DRG1: variants seen among roughly 807,000 people sequenced by gnomAD.
DRG1 encodes the protein developmentally-regulated GTP-binding protein 1.
A neutral mutation model predicts 38.8 loss-of-function variants in DRG1; 19 were observed. The observed-to-expected ratio is 0.49, with a 90% CI of 0.34 to 0.72. DRG1 has a LOEUF of 0.72. Ranked by LOEUF, DRG1 falls within the 30% of genes least tolerant of loss-of-function variation. DRG1 has a pLI of 0.01. For synonymous variants in DRG1, 167 were observed against 157.5 expected (o/e 1.06, Z -0.45); for missense variants, 299 against 444.8 (o/e 0.67, Z 2.95).
At chr22:31,428,349 C>T (rs1308046028) in intron 8 of DRG1, among the ~76,000 whole-genome samples, 1 of 151,946 alleles carries the variant, frequency 6.6e-6, no homozygotes, top group Non-Finnish European at 1.5e-5. Flanking sequence ...GTAGCTGGGA[C>T]TACAGGTGCC....
chr22:31,416,079 C>T (rs1459839473), intron 4 of DRG1, among the ~76,000 whole-genome samples: 1 of 152,038 alleles, frequency 6.6e-6, no homozygotes, highest in Non-Finnish European at 1.5e-5. Context: ...AGCACAGAGG[C>T]AGGCAGATCA....
At chr22:31,423,158 G>T in intron 5 of DRG1, 122 bp from the exon 6 acceptor site, 2 of 1,224,436 alleles carry the variant, frequency 1.6e-6, no homozygotes, top group Non-Finnish European at 2.3e-6. Flanking sequence ...CACTCATCCC[G>T]GATGTATTTA....
intron 8 of DRG1, among the ~76,000 whole-genome samples, chr22:31,428,450 T>C (rs2050122648): frequency 1.3e-5 from 2 of 152,010 alleles, no homozygotes; most frequent in Admixed American, 1.3e-4. Flanking sequence ...CCTGACCTTG[T>C]GATCTGCCCG....
rs192450284 is a variant in DRG1, at chr22:31,405,774, C to T, written c.342+2570C>T. Among the ~76,000 whole-genome samples, 7 of 151,996 alleles carry T rather than the reference C, an allele frequency of 4.6e-5. No individual in the cohort carries two copies. The East Asian group carries it at 7.7e-4, about 17-fold the overall frequency. Reference sequence around the variant, plus strand: ...CGTGATCTTGGCTCACTACAATCTCCGCCTCCCGGGTTCAAGTGATTCTCC... The same window carrying T: ...CGTGATCTTGGCTCACTACAATCTCTGCCTCCCGGGTTCAAGTGATTCTCC... On this transcript the variant is annotated intron_variant, in intron 3 of 8. Transcript: ENST00000331457.
rs775631441 is a variant in DRG1, at chr22:31,410,996, A to G, written c.343-16A>G. 1 of 1,613,328 alleles carries G rather than the reference A, an allele frequency of 6.2e-7. No homozygotes were observed. Among genetic ancestry groups the G allele is most frequent in the East Asian group, 2.2e-5 (1 of 44,874 alleles). ...GTTTTTTCTTTCATCCTCTTCCCCC[A>G]TTCTTAATCTTGCAGCTCCTGGATC... On this transcript the variant is annotated splice_polypyrimidine_tract_variant and intron_variant, in intron 3 of 8. Transcript: ENST00000331457.
intron 4 of DRG1, among the ~76,000 whole-genome samples, chr22:31,416,958 G>A (rs986212709): frequency 2.0e-5 from 3 of 151,674 alleles, no homozygotes; most frequent in Admixed American, 6.6e-5. Flanking sequence ...CCAGCTGTTC[G>A]GGAGGCTGAG....
chr22:31,426,862 A>T (rs1424283266), intron 7 of DRG1, 80 bp downstream of exon 7: 1 of 1,541,538 alleles, frequency 6.5e-7, no homozygotes, highest in Non-Finnish European at 8.7e-7. Flanking sequence ...GAGCTCATTA[A>T]CAAAATCTGG....
intron 8 of DRG1, among the ~76,000 whole-genome samples, chr22:31,432,825 C>G (rs2050148055): frequency 6.6e-6 from 1 of 152,130 alleles, no homozygotes; most frequent in African/African-American, 2.4e-5. Flanking sequence ...TCCCAAAGTG[C>G]TGGAATTAGA....
chr22:31,427,300 T>G (rs1171449501), intron 8 of DRG1, 118 bp downstream of exon 8: 2 of 1,347,522 alleles, frequency 1.5e-6, no homozygotes, highest in African/African-American at 2.9e-5. Flanking sequence ...CTGAAATGTT[T>G]GCTTGGCTAG....
chr22:31,407,742 C>T (rs1447389098), intron 3 of DRG1, among the ~76,000 whole-genome samples: 1 of 146,740 alleles, frequency 6.8e-6, no homozygotes, highest in African/African-American at 2.5e-5. Flanking sequence ...CTCGCACCTG[C>T]TAAATCAGTT....
intron 2 of DRG1, among the ~76,000 whole-genome samples, chr22:31,401,845 G>A (rs2049962850): frequency 1.3e-5 from 2 of 151,956 alleles, no homozygotes; most frequent in Non-Finnish European, 2.9e-5. Context: ...CAGGTCAGGA[G>A]TTCGAGACTA....
intron 2 of DRG1, among the ~76,000 whole-genome samples, chr22:31,401,583 CAAA>C (rs951167073): frequency 5.6e-5 from 3 of 53,736 alleles, no homozygotes; most frequent in Admixed American, 2.1e-4. Flanking sequence ...GACTCTGTCT[CAAA>C]AAAAAAAAAA....
intron 4 of DRG1, among the ~76,000 whole-genome samples, chr22:31,417,063 C>CA (rs71319192): frequency 0.19 from 27,597 of 143,186 alleles, 3,252 homozygotes; most frequent in East Asian, 0.43. Flanking sequence ...CACCCTGTCT[C>CA]AAAAAAAAAA....
chr22:31,420,854 A>G (rs1255936494), intron 5 of DRG1, among the ~76,000 whole-genome samples: 2 of 152,206 alleles, frequency 1.3e-5, no homozygotes, highest in East Asian at 3.8e-4. Flanking sequence ...AAACAATGTT[A>G]ATGAGTAAAA....
chr22:31,403,630 GCAC>G (rs1366324330), intron 3 of DRG1, among the ~76,000 whole-genome samples: 3 of 152,064 alleles, frequency 2.0e-5, no homozygotes, highest in African/African-American at 7.2e-5. Flanking sequence ...CTACAGGTGA[GCAC>G]CACCATGCCG....
chr22:31,421,568 G>C (rs1274352541), intron 5 of DRG1, among the ~76,000 whole-genome samples: 3 of 152,016 alleles, frequency 2.0e-5, no homozygotes, highest in African/African-American at 7.2e-5. Context: ...TCAGTCAAGA[G>C]GGCATGTGGG....
chr22:31,426,520 G>A lies in DRG1; in HGVS notation c.714-95G>A. On this transcript the variant is annotated intron_variant, in intron 6 of 8. Transcript: ENST00000331457. ...GCTACTTACAGTCCCTCTTGGGAGCGCCAGTTGGGTCTGGGTGAGGGTGTG... is the reference window on the plus strand; with the variant it reads ...GCTACTTACAGTCCCTCTTGGGAGCACCAGTTGGGTCTGGGTGAGGGTGTG... 4.7e-6 allele frequency: 5 copies of A among 1,066,700 alleles called. No homozygotes were observed. In the East Asian group the frequency reaches 7.4e-5, roughly 16 times the overall value. 66.1% of individuals were successfully genotyped at this position (1,066,700 alleles called of 1,614,324 possible).
At position 31,423,422 on chromosome 22, in the gene DRG1, G is replaced by A. The variant is rs769755193; in HGVS notation, c.713+12G>A. ...GTGGAAGGAAACAGGTACTGACTGA[G>A]TGTGCAGTCTGTGCCTGACTGAATT... On this transcript the variant is annotated intron_variant, in intron 6 of 8. Transcript: ENST00000331457. The A allele has an allele frequency of 6.2e-7, 1 of 1,612,894 alleles. No homozygotes were observed. Among genetic ancestry groups the A allele is most frequent in the Non-Finnish European group, 8.5e-7 (1 of 1,179,278 alleles).
In DRG1 at chr22:31,429,766, C is replaced by T. The variant is rs138688680; in HGVS notation, c.1004+2584C>T. On this transcript the variant is annotated intron_variant, in intron 8 of 8. Coordinates refer to ENST00000331457, the MANE Select transcript of DRG1 (RefSeq NM_004147.4). Reference sequence around the variant, plus strand: ...GGCTCAAGCCTCAGCCTGCCTCAGCCTCCTGAGTAGTTGGAACTCCAAGTG... The same window carrying T: ...GGCTCAAGCCTCAGCCTGCCTCAGCTTCCTGAGTAGTTGGAACTCCAAGTG... Among the ~76,000 whole-genome samples, 6 of 152,216 alleles carry T rather than the reference C, an allele frequency of 3.9e-5. No homozygotes were observed. The East Asian group carries it at 1.2e-3, about 29-fold the overall frequency.
Sources: allele counts gnomAD v4.1 joint callset (sites outside exome capture counted in the v4.1 genomes callset), GRCh38; gene constraint gnomAD v4.1.1; transcripts MANE v1.5; gene names NCBI Gene and HGNC (gene_info 2026-07-23, HGNC 2026-07-21).